The following WDR25 variants were observed in gnomAD, a reference collection of about 807,000 sequenced individuals.
WDR25 encodes the protein WD repeat domain 25.
In WDR25, 35 loss-of-function variants were observed where a neutral mutation model predicts 47.7. The observed-to-expected ratio is 0.73, with a 90% CI of 0.56 to 0.97. WDR25 has a LOEUF of 0.97. WDR25 is among the 50% of genes least tolerant of loss of function. The pLI, the probability that WDR25 is intolerant of heterozygous loss-of-function variation, is 0.00. For missense variants in WDR25, 634 were observed against 704.7 expected (o/e 0.90, Z 1.14); for synonymous variants, 248 against 278.9 (o/e 0.89, Z 1.10).
At chr14:100,495,022 G>T (rs138622573) in intron 4 of WDR25, among the ~76,000 whole-genome samples, 110 of 152,278 alleles carry the variant, frequency 7.2e-4, no homozygotes, top group South Asian at 1.9e-3. Flanking sequence ...ACTCTACAAA[G>T]ATAAATACAT....
intron 2 of WDR25, among the ~76,000 whole-genome samples, chr14:100,385,772 C>A (rs1343967129): frequency 6.6e-6 from 1 of 152,172 alleles, no homozygotes; most frequent in Non-Finnish European, 1.5e-5. Context: ...ATACTCTTTT[C>A]ATCTCCCAGT....
intron 4 of WDR25, among the ~76,000 whole-genome samples, chr14:100,491,624 G>A (rs1437845944): frequency 6.6e-6 from 1 of 152,226 alleles, no homozygotes; most frequent in Non-Finnish European, 1.5e-5. Context: ...TGACAAAATC[G>A]CCTGATGACG....
intron 4 of WDR25, among the ~76,000 whole-genome samples, chr14:100,507,875 T>A (rs1265404104): frequency 6.6e-6 from 1 of 152,146 alleles, no homozygotes; most frequent in African/African-American, 2.4e-5. Context: ...TGAAGAGAGA[T>A]AGTTTGACTT....
At chr14:100,501,173 C>A (rs1338034273) in intron 4 of WDR25, among the ~76,000 whole-genome samples, 1 of 152,144 alleles carries the variant, frequency 6.6e-6, no homozygotes, top group Non-Finnish European at 1.5e-5. Context: ...GGCACTTCAC[C>A]TGTCTGACCT....
At position 100,392,748 on chromosome 14, in the gene WDR25, T is replaced by C. The variant is rs1437407968; in HGVS notation, c.822+11002T>C. Among the ~76,000 whole-genome samples, 1 of 152,218 alleles carries C rather than the reference T, an allele frequency of 6.6e-6. No individual in the cohort carries two copies. Among genetic ancestry groups the C allele is most frequent in the Non-Finnish European group, 1.5e-5 (1 of 68,040 alleles). On this transcript the variant is annotated intron_variant, in intron 2 of 6. Coordinates refer to ENST00000402312, the MANE Select transcript of WDR25 (RefSeq NM_001161476.3). This position sits in a 1 kb window ranked among gnomAD's most constrained non-coding sequence, Gnocchi z 4.2. ...ATGACGCTCTATCGAGTTGATTAAC[T>C]GTAATTTACTTAGCCGCCCTTGGAC...
chr14:100,497,243 A>G (rs1246509927), intron 4 of WDR25, among the ~76,000 whole-genome samples: 3 of 152,154 alleles, frequency 2.0e-5, no homozygotes, highest in African/African-American at 7.2e-5. Flanking sequence ...AATTTGGTCA[A>G]TTGGTTGATG....
rs34698940 is a variant in WDR25, at chr14:100,412,206, C to CAA, written c.822+30480_822+30481dup. On this transcript the variant is annotated intron_variant, in intron 2 of 6. Coordinates refer to ENST00000402312, the MANE Select transcript of WDR25 (RefSeq NM_001161476.3). Reference sequence around the variant, plus strand: ...TGGGTGACAGAGTGAGACCCTGTCTCAAAAAAAAAAAAAAAAAAAAAGGTA... The same window carrying CAA: ...TGGGTGACAGAGTGAGACCCTGTCTCAAAAAAAAAAAAAAAAAAAAAAAGGTA... 5.3e-3 allele frequency among the ~76,000 whole-genome samples: 287 copies of CAA among 54,054 alleles called. 3 individuals are homozygous for CAA. The highest frequency in any genetic ancestry group is 0.017 in the African/African-American group (256 of 15,462). 35.5% of individuals were successfully genotyped at this position (54,054 alleles called of 152,430 possible). A position where few individuals can be genotyped will look rare whatever the true frequency, so the allele number is the denominator to read the frequency against.
intron 2 of WDR25, among the ~76,000 whole-genome samples, chr14:100,417,619 C>T (rs1276976306): frequency 2.0e-5 from 3 of 152,294 alleles, no homozygotes; most frequent in East Asian, 1.9e-4. Flanking sequence ...CCTCTGCTTG[C>T]GGATGGGGGT....
Position 100,474,384 on chromosome 14 carries a change from G to A in WDR25, c.970+6216G>A, listed in dbSNP as rs563292723. Among the ~76,000 whole-genome samples the A allele has an allele frequency of 2.0e-3, 304 of 152,250 alleles. 2 individuals are homozygous for A. Among genetic ancestry groups the A allele is most frequent in the African/African-American group, 7.0e-3 (290 of 41,548 alleles). On this transcript the variant is annotated intron_variant, in intron 3 of 6. Transcript: ENST00000402312. ...TCACATCTCCACAAACACAGCTCAC[G>A]CCAGCCCTCTAGGCAAAGAAAAGAT...
chr14:100,401,182 G>T (rs1237589081), intron 2 of WDR25, among the ~76,000 whole-genome samples: 1 of 152,092 alleles, frequency 6.6e-6, no homozygotes, highest in Non-Finnish European at 1.5e-5. Context: ...GCGGCTGCTC[G>T]CTGTTCCTGG....
chr14:100,418,185 A>AC (rs1443670673), intron 2 of WDR25, among the ~76,000 whole-genome samples: 2 of 149,476 alleles, frequency 1.3e-5, no homozygotes, highest in East Asian at 4.0e-4. Flanking sequence ...CGTGATCCAC[A>AC]CCCCCCACTC....
At chr14:100,397,698 G>A (rs1414895711) in intron 2 of WDR25, among the ~76,000 whole-genome samples, 1 of 152,194 alleles carries the variant, frequency 6.6e-6, no homozygotes, top group East Asian at 1.9e-4. Context: ...CAAAGCGATA[G>A]AAAAGCATTC....
In WDR25 at chr14:100,500,499, G is replaced by A. The variant is rs1384709766; in HGVS notation, c.1101+16375G>A. Among the ~76,000 whole-genome samples, 1 of 152,206 alleles carries A rather than the reference G, an allele frequency of 6.6e-6. No individual in the cohort carries two copies. Among genetic ancestry groups the A allele is most frequent in the South Asian group, 2.1e-4 (1 of 4,830 alleles). On this transcript the variant is annotated intron_variant, in intron 4 of 6. Coordinates refer to ENST00000402312, the MANE Select transcript of WDR25 (RefSeq NM_001161476.3). This position sits in a 1 kb window ranked among gnomAD's most constrained non-coding sequence, Gnocchi z 4.7. ...CCCAAGGCCAGTGCACCACAAAGTG[G>A]CCTTTTTTGGTCCCTGTTGACCCTG...
chr14:100,456,934 A>G (rs1309766147), intron 2 of WDR25, among the ~76,000 whole-genome samples: 1 of 152,174 alleles, frequency 6.6e-6, no homozygotes, highest in African/African-American at 2.4e-5. Context: ...TCACCAAGGT[A>G]TATTATAATG....
chr14:100,428,528 T>C lies in WDR25; in HGVS notation c.823-39493T>C, dbSNP rs1472622258. On this transcript the variant is annotated intron_variant, in intron 2 of 6. Coordinates refer to ENST00000402312, the MANE Select transcript of WDR25 (RefSeq NM_001161476.3). This position sits in a 1 kb window ranked among gnomAD's most constrained non-coding sequence, Gnocchi z 4.3. ...GGGCTGCACATGGTGCCTGTCTCTC[T>C]GCGTTCTTAGTGGAGGTGGCCCCTG... Among the ~76,000 whole-genome samples, 1 of 152,178 alleles carries C rather than the reference T, an allele frequency of 6.6e-6. No individual in the cohort carries two copies. The highest frequency in any genetic ancestry group is 1.5e-5 in the Non-Finnish European group (1 of 68,024).
At chr14:100,511,640 C>T (rs1333540721) in intron 4 of WDR25, among the ~76,000 whole-genome samples, 2 of 151,994 alleles carry the variant, frequency 1.3e-5, no homozygotes, top group Non-Finnish European at 2.9e-5. Context: ...ACCTCTAGAA[C>T]AGTGTTGTCT....
In WDR25 at chr14:100,449,140, C is replaced by T. The variant is rs975027397; in HGVS notation, c.823-18881C>T. Among the ~76,000 whole-genome samples, 15 of 152,172 alleles carry T rather than the reference C, an allele frequency of 9.9e-5. No homozygotes were observed. The highest frequency in any genetic ancestry group is 3.6e-4 in the African/African-American group (15 of 41,452). On this transcript the variant is annotated intron_variant, in intron 2 of 6. Transcript: ENST00000402312. The surrounding 1 kb of genome is among the most constrained non-coding windows in gnomAD (Gnocchi z 4.2). The stretch of plus-strand genomic sequence containing the variant: ...TTGGGATGTGCTTGGCAAGATAAGG[C>T]CTTATGGCTAGAAGGCTCGGAGAGC...
In WDR25 at chr14:100,530,170, T is replaced by A; in HGVS notation, c.*129T>A. The A allele has an allele frequency of 1.1e-6, 1 of 917,232 alleles. No homozygotes were observed. The highest frequency in any genetic ancestry group is 1.6e-6 in the Non-Finnish European group (1 of 618,066). The allele number at this position is 917,232 out of a possible 1,614,324, so 56.8% of individuals were successfully genotyped here. A position where few individuals can be genotyped will look rare whatever the true frequency, so the allele number is the denominator to read the frequency against. On this transcript the variant is annotated 3_prime_UTR_variant, in exon 7 of 7. Coordinates refer to ENST00000402312, the MANE Select transcript of WDR25 (RefSeq NM_001161476.3). ...GGGTACCACCTTCTGAGCCTCAGTTTCCTCATCTGTAAAGTGGGGAGAAAA... is the reference window on the plus strand; with the variant it reads ...GGGTACCACCTTCTGAGCCTCAGTTACCTCATCTGTAAAGTGGGGAGAAAA...
At chr14:100,508,681 T>C in intron 4 of WDR25, among the ~76,000 whole-genome samples, 1 of 152,312 alleles carries the variant, frequency 6.6e-6, no homozygotes, top group South Asian at 2.1e-4. Context: ...TTTTGTCTTG[T>C]TTCTCATTTT....
Sources: allele counts gnomAD v4.1 joint callset (sites outside exome capture counted in the v4.1 genomes callset), GRCh38; gene constraint gnomAD v4.1.1; non-coding constraint Gnocchi (gnomAD v3.1); transcripts MANE v1.5; gene names NCBI Gene and HGNC (gene_info 2026-07-23, HGNC 2026-07-21).